The following FA2H variants were observed in gnomAD, a reference collection of about 807,000 sequenced individuals.
FA2H encodes fatty acid 2-hydroxylase.
A neutral mutation model predicts 44.9 loss-of-function variants in FA2H; 22 were observed. The observed-to-expected ratio is 0.49, with a 90% CI of 0.35 to 0.70. The LOEUF (loss-of-function observed/expected upper bound fraction) is 0.70, where lower values mean the gene tolerates loss of function less well. Ranked by LOEUF, FA2H falls within the 30% of genes least tolerant of loss-of-function variation. The probability of loss-of-function intolerance (pLI) is 0.01; values close to 1 mark genes in which losing one functional copy is unlikely to be tolerated. For missense variants in FA2H, 501 were observed against 504.9 expected (o/e 0.99, Z 0.07); for synonymous variants, 243 against 213.2 (o/e 1.14, Z -1.22).
At chr16:74,761,180 G>A (rs1035320021) in intron 1 of FA2H, among the ~76,000 whole-genome samples, 14 of 152,114 alleles carry the variant, frequency 9.2e-5, no homozygotes, top group African/African-American at 2.7e-4. Flanking sequence ...GGTCGGGCGC[G>A]GTGGTTCATG....
chr16:74,769,240 A>G (rs1042412905), intron 1 of FA2H, among the ~76,000 whole-genome samples: 2 of 152,008 alleles, frequency 1.3e-5, no homozygotes, highest in African/African-American at 4.8e-5. Context: ...CCACAGGTGC[A>G]TGCCACCATG....
At position 74,765,549 on chromosome 16, in the gene FA2H, A is replaced by T. The variant is rs183421964; in HGVS notation, c.270+8937T>A. On this transcript the variant is annotated intron_variant, in intron 1 of 6. Coordinates refer to ENST00000219368, the MANE Select transcript of FA2H (RefSeq NM_024306.5). ...TTCCAAGCAACTCATTCATCCACTT[A>T]TTCAAACATTTATTTATTCATTCAT... Among the ~76,000 whole-genome samples, 181 of 152,246 alleles carry T rather than the reference A, an allele frequency of 1.2e-3. 1 individual carries two copies. Among genetic ancestry groups the T allele is most frequent in the African/African-American group, 4.2e-3 (173 of 41,544 alleles).
chr16:74,732,206 C>A (rs73614684), intron 2 of FA2H, among the ~76,000 whole-genome samples: 9,774 of 152,064 alleles, frequency 0.064, 323 homozygotes, highest in Non-Finnish European at 0.075. Flanking sequence ...TTTTCTATGT[C>A]CCACTTTTGC....
chr16:74,726,264 C>G lies in FA2H; in HGVS notation c.574G>C (p.Ala192Pro). 6.2e-7 allele frequency: 1 copy of G among 1,613,976 alleles called. No homozygotes were observed. Among genetic ancestry groups the G allele is most frequent in the Non-Finnish European group, 8.5e-7 (1 of 1,179,964 alleles). ...GTGAAGAGTCGGACGTTGCCCTGGG[C>G]AAAGGTTCGGTAGTAGGACCAGCTG... ...YLSWSYYRTFAQGNVRLFTSF... is the reference protein window; with the variant it reads ...YLSWSYYRTFPQGNVRLFTSF... The change falls in exon 4 of 7, where the codon GCC (alanine) becomes CCC (proline). Residue 192 changes from alanine to proline, a missense_variant. Coordinates refer to ENST00000219368, the MANE Select transcript of FA2H (RefSeq NM_024306.5).
rs1010674651 is a variant in FA2H, at chr16:74,752,559, T to G, written c.271-12444A>C. Among the ~76,000 whole-genome samples the G allele has an allele frequency of 1.2e-4, 19 of 152,286 alleles. No homozygotes were observed. The Middle Eastern group carries it at 0.01, about 82-fold the overall frequency. On this transcript the variant is annotated intron_variant, in intron 1 of 6. Coordinates refer to ENST00000219368, the MANE Select transcript of FA2H (RefSeq NM_024306.5). ...TGGTCCATACAGAATGTTTCTATTC[T>G]ATTGCATCACTTGCTGCCACCTGTA... is the stretch of plus-strand genomic sequence containing the variant.
At chr16:74,718,080 G>A (rs1403386445) in intron 5 of FA2H, among the ~76,000 whole-genome samples, 1 of 152,158 alleles carries the variant, frequency 6.6e-6, no homozygotes, top group Non-Finnish European at 1.5e-5. Flanking sequence ...TCAACTCTGG[G>A]GAGAGCCGGG....
chr16:74,758,117 C>CTTT (rs71378706), intron 1 of FA2H, among the ~76,000 whole-genome samples: 10 of 113,570 alleles, frequency 8.8e-5, no homozygotes, highest in African/African-American at 1.1e-4. Flanking sequence ...GGAAACAATT[C>CTTT]TTTTTTTTTT....
At chr16:74,723,961 G>T (rs1450549548) in intron 4 of FA2H, among the ~76,000 whole-genome samples, 1 of 152,014 alleles carries the variant, frequency 6.6e-6, no homozygotes, top group Non-Finnish European at 1.5e-5. Context: ...GAGTGCAGTG[G>T]CATGATCCTG....
chr16:74,746,178 C>T (rs898704591), intron 1 of FA2H, among the ~76,000 whole-genome samples: 4 of 152,206 alleles, frequency 2.6e-5, no homozygotes, highest in African/African-American at 9.6e-5. Flanking sequence ...CACCCTGTTA[C>T]AAGAGGGCAG....
chr16:74,765,970 C>A (rs1211968532), intron 1 of FA2H, among the ~76,000 whole-genome samples: 2 of 152,052 alleles, frequency 1.3e-5, no homozygotes, highest in East Asian at 1.9e-4. Flanking sequence ...GTAGACAAAA[C>A]AATAGGGAAG....
intron 1 of FA2H, among the ~76,000 whole-genome samples, chr16:74,750,110 TA>T: frequency 6.6e-6 from 1 of 152,328 alleles, no homozygotes; most frequent in South Asian, 2.1e-4. Flanking sequence ...ATGAGTTCCT[TA>T]AAACATGTCC....
In FA2H at chr16:74,726,087, T is replaced by A. The variant is rs956953812; in HGVS notation, c.613+138A>T. On this transcript the variant is annotated intron_variant, in intron 4 of 6. Transcript: ENST00000219368. ...CAAAATTCTTCTTTGGAAGACTATT[T>A]CTACAGAGAGGCTTCACCAAAAATG... 3 of 686,538 alleles carry A rather than the reference T, an allele frequency of 4.4e-6. No homozygotes were observed. The African/African-American group carries it at 5.3e-5, about 12-fold the overall frequency. The allele number at this position is 686,538 out of a possible 1,614,324, so 42.5% of individuals were successfully genotyped here.
At chr16:74,758,882 C>T (rs1470856890) in intron 1 of FA2H, among the ~76,000 whole-genome samples, 1 of 152,258 alleles carries the variant, frequency 6.6e-6, no homozygotes, top group Non-Finnish European at 1.5e-5. Context: ...GTATCTAGAA[C>T]ATTCCAGGGG....
At chr16:74,732,374 T>C (rs1276254062) in intron 2 of FA2H, among the ~76,000 whole-genome samples, 2 of 152,348 alleles carry the variant, frequency 1.3e-5, no homozygotes, top group South Asian at 2.1e-4. Context: ...TTTTAATCTA[T>C]TGATCTATTT....
chr16:74,749,951 G>A (rs1372264349), intron 1 of FA2H, among the ~76,000 whole-genome samples: 4 of 152,178 alleles, frequency 2.6e-5, no homozygotes, highest in Admixed American at 2.0e-4. Context: ...TGGAAGGGAC[G>A]CGGCCAGAGC....
rs540018273 is a variant in FA2H at position 74,723,369 on chromosome 16, T to C, written c.613+2856A>G. ...CCCCAGGGTCCAAACCTGGACCCTCTGCCTCTCAGCTCAATCCCTTCCTCT... is the reference window on the plus strand; with the variant it reads ...CCCCAGGGTCCAAACCTGGACCCTCCGCCTCTCAGCTCAATCCCTTCCTCT... On this transcript the variant is annotated intron_variant, in intron 4 of 6. Coordinates refer to ENST00000219368, the MANE Select transcript of FA2H (RefSeq NM_024306.5). 1.7e-4 allele frequency among the ~76,000 whole-genome samples: 26 copies of C among 152,254 alleles called. 1 individual carries two copies. Among genetic ancestry groups the C allele is most frequent in the Admixed American group, 1.0e-3 (16 of 15,302 alleles).
chr16:74,714,184 G>A lies in FA2H; in HGVS notation c.*6C>T. The A allele has an allele frequency of 6.5e-7, 1 of 1,549,072 alleles. No individual in the cohort carries two copies. Among genetic ancestry groups the A allele is most frequent in the Non-Finnish European group, 8.8e-7 (1 of 1,142,728 alleles). On this transcript the variant is annotated 3_prime_UTR_variant, in exon 7 of 7. Coordinates refer to ENST00000219368, the MANE Select transcript of FA2H (RefSeq NM_024306.5). Reference sequence around the variant, plus strand: ...GCTGAGGGCAGGACGGAGGGGGTGGGAGTTGTCACTGCGTCTTCAGGTGGG... The same window carrying A: ...GCTGAGGGCAGGACGGAGGGGGTGGAAGTTGTCACTGCGTCTTCAGGTGGG...
intron 4 of FA2H, among the ~76,000 whole-genome samples, chr16:74,724,346 G>A (rs1199937006): frequency 6.6e-6 from 1 of 152,168 alleles, no homozygotes; most frequent in Non-Finnish European, 1.5e-5. Context: ...TCGCTCTAAC[G>A]TGCTCTCAGA....
Position 74,727,188 on chromosome 16 carries a change from G to C in FA2H, c.506+56C>G, listed in dbSNP as rs1441373803. On this transcript the variant is annotated intron_variant, in intron 3 of 6. Coordinates refer to ENST00000219368, the MANE Select transcript of FA2H (RefSeq NM_024306.5). ...AATTGCCCCCTCCCTTTCCATATCTGATTGGCACCGTCAGAAGAGAGGGAC... is the reference window on the plus strand; with the variant it reads ...AATTGCCCCCTCCCTTTCCATATCTCATTGGCACCGTCAGAAGAGAGGGAC... 10 of 1,612,162 alleles carry C rather than the reference G, an allele frequency of 6.2e-6. No homozygotes were observed. In the East Asian group the frequency reaches 2.2e-4, roughly 36 times the overall value.
Sources: allele counts gnomAD v4.1 joint callset (sites outside exome capture counted in the v4.1 genomes callset), GRCh38; gene constraint gnomAD v4.1.1; transcripts MANE v1.5; gene names NCBI Gene and HGNC (gene_info 2026-07-23, HGNC 2026-07-21).